PTPRO: variants seen among roughly 807,000 people sequenced by gnomAD.
The protein encoded by PTPRO is protein tyrosine phosphatase receptor type O.
Under a neutral mutation model 145.2 loss-of-function variants are expected in PTPRO, and 62 were observed. The observed-to-expected ratio is 0.43, with a 90% CI of 0.35 to 0.53. PTPRO has a LOEUF of 0.53. PTPRO is among the 20% of genes least tolerant of loss of function. The pLI is 0.01. For missense variants in PTPRO, 1,345 were observed against 1,482.7 expected (o/e 0.91, Z 1.53); for synonymous variants, 565 against 514.7 (o/e 1.10, Z -1.32).
At position 15,504,058 on chromosome 12, in the gene PTPRO, G is replaced by C; in HGVS notation, c.1256G>C (p.Ser419Thr). Residue 419 changes from serine (S) to threonine (T), a missense_variant, in exon 6 of 27, where the codon AGC becomes ACC. By Grantham distance (58) the Ser-to-Thr change is moderately conservative (BLOSUM62 1). Coordinates refer to ENST00000281171, the MANE Select transcript of PTPRO (RefSeq NM_030667.3). ...TRKSQSAKSL[S>T]FYISPSGEWI... ...AAAAGTCAGTCAGCAAAATCACTCAGCTTTTATATCAGTAAGTAACAAAGA... is the reference window on the plus strand; with the variant it reads ...AAAAGTCAGTCAGCAAAATCACTCACCTTTTATATCAGTAAGTAACAAAGA... 1 of 1,611,924 alleles carries C rather than the reference G, an allele frequency of 6.2e-7. No individual in the cohort carries two copies. Among genetic ancestry groups the C allele is most frequent in the Non-Finnish European group, 8.5e-7 (1 of 1,178,218 alleles).
chr12:15,370,698 A>G (rs545340579), intron 1 of PTPRO, among the ~76,000 whole-genome samples: 222 of 152,320 alleles, frequency 1.5e-3, no homozygotes, highest in African/African-American at 5.2e-3. Context: ...CAATAAAAAA[A>G]CACAAACAAT....
chr12:15,580,493 A>C lies in PTPRO; in HGVS notation c.2998-204A>C, dbSNP rs73068642. Reference sequence around the variant, plus strand: ...TGTGATTTTTACAGCCTTCTGGATAACAATGCTTACAATCACACAGACTAA... The same window carrying C: ...TGTGATTTTTACAGCCTTCTGGATACCAATGCTTACAATCACACAGACTAA... On this transcript the variant is annotated intron_variant, in intron 21 of 26. Coordinates refer to ENST00000281171, the MANE Select transcript of PTPRO (RefSeq NM_030667.3). Among the ~76,000 whole-genome samples, 5,206 of 152,360 alleles carry C rather than the reference A, an allele frequency of 0.034. 124 individuals are homozygous for C. The highest frequency in any genetic ancestry group is 0.049 in the South Asian group (235 of 4,824).
chr12:15,406,208 A>T (rs942243720), intron 1 of PTPRO, among the ~76,000 whole-genome samples: 3 of 152,172 alleles, frequency 2.0e-5, no homozygotes, highest in African/African-American at 7.2e-5. Flanking sequence ...AATTACCACA[A>T]TTACACATGC....
chr12:15,399,223 T>C (rs1939424173), intron 1 of PTPRO, among the ~76,000 whole-genome samples: 1 of 152,138 alleles, frequency 6.6e-6, no homozygotes, highest in Admixed American at 6.5e-5. Flanking sequence ...TTATAGAAAA[T>C]AATAATCCCT....
chr12:15,450,747 T>C (rs976363306), intron 1 of PTPRO, among the ~76,000 whole-genome samples: 1 of 152,032 alleles, frequency 6.6e-6, no homozygotes, highest in Non-Finnish European at 1.5e-5. Context: ...CACTCTAGCC[T>C]GGGTAACAGA....
intron 1 of PTPRO, among the ~76,000 whole-genome samples, chr12:15,365,562 C>T (rs1938335395): frequency 6.6e-6 from 1 of 152,082 alleles, no homozygotes; most frequent in African/African-American, 2.4e-5. Flanking sequence ...TATGTAGGCC[C>T]AGTCTCTATT....
At chr12:15,516,697 T>C in intron 8 of PTPRO, 66 bp from the exon 9 acceptor site, 4 of 1,410,192 alleles carry the variant, frequency 2.8e-6, no homozygotes, top group Non-Finnish European at 4.0e-6. Flanking sequence ...AAGTAGAAGT[T>C]TGAGGCCATT....
chr12:15,536,006 G>A (rs1943058375), intron 12 of PTPRO, among the ~76,000 whole-genome samples: 1 of 152,162 alleles, frequency 6.6e-6, no homozygotes, highest in Non-Finnish European at 1.5e-5. Context: ...TAGGCTGCCA[G>A]TCAGCTAGAA....
At chr12:15,341,385 G>A (rs1262734846) in intron 1 of PTPRO, among the ~76,000 whole-genome samples, 1 of 152,028 alleles carries the variant, frequency 6.6e-6, no homozygotes, top group African/African-American at 2.4e-5. Context: ...AGTTAAGCAG[G>A]CTATGTCATA....
chr12:15,508,818 C>A, intron 7 of PTPRO, 51 bp downstream of exon 7: 7 of 1,574,210 alleles, frequency 4.4e-6, no homozygotes, highest in Non-Finnish European at 5.2e-6. Flanking sequence ...TAAGCACAAC[C>A]TTACAGGGCA....
At chr12:15,346,976 A>C (rs1434436287) in intron 1 of PTPRO, among the ~76,000 whole-genome samples, 1 of 151,946 alleles carries the variant, frequency 6.6e-6, no homozygotes, top group African/African-American at 2.4e-5. Context: ...CTTGATACTC[A>C]TTCTCACCTT....
chr12:15,363,471 A>G (rs1470446033), intron 1 of PTPRO, among the ~76,000 whole-genome samples: 1 of 152,154 alleles, frequency 6.6e-6, no homozygotes, highest in African/African-American at 2.4e-5. Context: ...GGCCAGAGCT[A>G]TAAGCTGAAA....
intron 1 of PTPRO, among the ~76,000 whole-genome samples, chr12:15,483,610 T>C (rs1941825942): frequency 6.6e-6 from 1 of 152,108 alleles, no homozygotes; most frequent in South Asian, 2.1e-4. Context: ...CCAGCACAGT[T>C]GAAACCAAGA....
intron 1 of PTPRO, among the ~76,000 whole-genome samples, chr12:15,363,598 C>T (rs1938272794): frequency 1.3e-5 from 2 of 151,592 alleles, no homozygotes; most frequent in African/African-American, 4.8e-5. Flanking sequence ...GAATTAAGCA[C>T]CAGAGAATTT....
intron 1 of PTPRO, among the ~76,000 whole-genome samples, chr12:15,414,036 G>A (rs1404882235): frequency 6.6e-6 from 1 of 152,112 alleles, no homozygotes; most frequent in Admixed American, 6.5e-5. Context: ...GAAGTAACTA[G>A]AAAGGAAACT....
At chr12:15,425,243 A>G (rs891230146) in intron 1 of PTPRO, among the ~76,000 whole-genome samples, 1 of 152,192 alleles carries the variant, frequency 6.6e-6, no homozygotes, top group Non-Finnish European at 1.5e-5. Flanking sequence ...TAGCTAACAA[A>G]TACTTATTAT....
At chr12:15,493,185 AAAC>A (rs940337336) in intron 2 of PTPRO, among the ~76,000 whole-genome samples, 1 of 152,128 alleles carries the variant, frequency 6.6e-6, no homozygotes, top group African/African-American at 2.4e-5. Flanking sequence ...GAAAACAAAA[AAAC>A]AACATCTTCA....
chr12:15,527,875 A>AACCGCCCACCACCCC (rs1942873389), intron 12 of PTPRO, among the ~76,000 whole-genome samples: 1 of 137,648 alleles, frequency 7.3e-6, no homozygotes, highest in African/African-American at 2.8e-5. Context: ...GGGAACTGTG[A>AACCGCCCACCACCCC]CCCGCCCACG....
At chr12:15,343,414 C>T (rs774133165) in intron 1 of PTPRO, among the ~76,000 whole-genome samples, 34 of 152,096 alleles carry the variant, frequency 2.2e-4, no homozygotes, top group South Asian at 1.5e-3. Flanking sequence ...AGGCTGGACG[C>T]GGTGGTCCAT....
Sources: gnomAD v4.1 joint callset for allele counts (sites outside exome capture counted in the v4.1 genomes callset) on GRCh38, gnomAD v4.1.1 for gene constraint, MANE v1.5 for transcripts, NCBI Gene and HGNC (gene_info 2026-07-23, HGNC 2026-07-21) for gene names.